EPB41L2: variants seen among roughly 807,000 people sequenced by gnomAD.
EPB41L2 encodes erythrocyte membrane protein band 4.1 like 2.
In EPB41L2, 43 loss-of-function variants were observed where a neutral mutation model predicts 113.0. The ratio of observed to expected loss-of-function variants is 0.38; its 90% CI spans 0.30 to 0.49. The LOEUF is 0.49. EPB41L2 is among the 20% of genes least tolerant of loss of function. The pLI is 0.95. For synonymous variants in EPB41L2, 442 were observed against 436.7 expected (o/e 1.01, Z -0.15); for missense variants, 1,147 against 1,223.4 (o/e 0.94, Z 0.93).
chr6:130,918,190 T>C (rs1801720922), intron 4 of EPB41L2, among the ~76,000 whole-genome samples: 1 of 152,212 alleles, frequency 6.6e-6, no homozygotes, highest in Non-Finnish European at 1.5e-5. Context: ...AGTTTATATA[T>C]GCAAACAGTT....
At chr6:130,980,124 A>AT (rs1324059338) in intron 1 of EPB41L2, among the ~76,000 whole-genome samples, 1 of 152,246 alleles carries the variant, frequency 6.6e-6, no homozygotes, top group Non-Finnish European at 1.5e-5. Context: ...TAAAAGGGTC[A>AT]TAAGATGGCT....
In EPB41L2 at chr6:130,840,325, A is replaced by G. The variant is rs1024129667; in HGVS notation, c.*279T>C. 2.0e-5 allele frequency: 3 copies of G among 152,532 alleles called. No homozygotes were observed. Among genetic ancestry groups the G allele is most frequent in the Admixed American group, 2.0e-4 (3 of 15,276 alleles). 9.4% of individuals were successfully genotyped at this position (152,532 alleles called of 1,614,324 possible). ...GCACACAAAGTAAACAGAAAACAAAACCAAAACCCCTTAATTAACAACAAC... is the reference window on the plus strand; with the variant it reads ...GCACACAAAGTAAACAGAAAACAAAGCCAAAACCCCTTAATTAACAACAAC... On this transcript the variant is annotated 3_prime_UTR_variant, in exon 20 of 20. Transcript: ENST00000337057.
intron 1 of EPB41L2, among the ~76,000 whole-genome samples, chr6:131,053,523 C>T (rs945675348): frequency 6.6e-6 from 1 of 151,876 alleles, no homozygotes. Flanking sequence ...GCAAAGGCAG[C>T]CCCCCTGAGC....
At position 130,974,517 on chromosome 6, in the gene EPB41L2, T is replaced by C. The variant is rs564687737; in HGVS notation, c.-14-18018A>G. ...AAACGTTGGGAGAATTCAGAGAGAA[T>C]GAGTTTTGTGGCACTATGATTTTGA... is the stretch of plus-strand genomic sequence containing the variant. On this transcript the variant is annotated intron_variant, in intron 1 of 19. Coordinates refer to ENST00000337057, the MANE Select transcript of EPB41L2 (RefSeq NM_001431.4). Among the ~76,000 whole-genome samples, 29 of 152,212 alleles carry C rather than the reference T, an allele frequency of 1.9e-4. 1 individual carries two copies. Among genetic ancestry groups the C allele is most frequent in the Admixed American group, 1.8e-3 (27 of 15,278 alleles).
intron 3 of EPB41L2, among the ~76,000 whole-genome samples, chr6:130,954,858 T>C (rs1816860081): frequency 6.6e-6 from 1 of 152,198 alleles, no homozygotes; most frequent in African/African-American, 2.4e-5. Flanking sequence ...TCCAAATATT[T>C]AACACCCAGT....
chr6:130,839,548 C>T lies in EPB41L2; in HGVS notation c.*1056G>A, dbSNP rs1251717126. ...TTTAAATGGTATAACTTTCTTGTAA[C>T]CAACAGAACACCACCACAGCCCCCT... On this transcript the variant is annotated 3_prime_UTR_variant, in exon 20 of 20. Coordinates refer to ENST00000337057, the MANE Select transcript of EPB41L2 (RefSeq NM_001431.4). 4.6e-5 allele frequency: 7 copies of T among 152,104 alleles called. No individual in the cohort carries two copies. Among genetic ancestry groups the T allele is most frequent in the Admixed American group, 4.6e-4 (7 of 15,252 alleles). The allele number at this position is 152,104 out of a possible 1,614,324, so 9.4% of individuals were successfully genotyped here.
At chr6:130,890,488 AAAAG>A in intron 10 of EPB41L2, 22 bp from the exon 11 acceptor site, 4 of 1,576,382 alleles carry the variant, frequency 2.5e-6, no homozygotes, top group South Asian at 1.2e-5. Context: ...AAAAAAAAAA[AAAAG>A]AGAGAGAGAA....
chr6:130,910,847 T>C (rs1042793010), intron 4 of EPB41L2, among the ~76,000 whole-genome samples: 51 of 152,202 alleles, frequency 3.4e-4, no homozygotes, highest in African/African-American at 9.9e-4. Flanking sequence ...CCAGTTAGAA[T>C]GGCGATCGTT....
Position 130,899,563 on chromosome 6 carries a change from T to A in EPB41L2, c.1164A>T (p.Ala388=), listed in dbSNP as rs759132312. The A allele has an allele frequency of 6.2e-7, 1 of 1,613,886 alleles. No homozygotes were observed. Among genetic ancestry groups the A allele is most frequent in the Non-Finnish European group, 8.5e-7 (1 of 1,179,796 alleles). ...TTTCTAAGAACTGGGAATCAGCTTGTGCTGGCGATAAGCCCCTGAGAATCA... is the reference window on the plus strand; with the variant it reads ...TTTCTAAGAACTGGGAATCAGCTTGAGCTGGCGATAAGCCCCTGAGAATCA... ...LHKTHRGLSP[A]QADSQFLENA... Residue 388 remains alanine, a synonymous_variant, in exon 8 of 20, where the codon GCA becomes GCT. Coordinates refer to ENST00000337057, the MANE Select transcript of EPB41L2 (RefSeq NM_001431.4).
In EPB41L2 at chr6:130,867,498, G is replaced by C. The variant is rs138054258; in HGVS notation, c.2691C>G (p.Val897=). The C allele has an allele frequency of 1.2e-6, 2 of 1,614,006 alleles. No homozygotes were observed. The highest frequency in any genetic ancestry group is 1.3e-5 in the African/African-American group (1 of 75,052). Residue 897 remains valine, a synonymous_variant, in exon 16 of 20, where the codon GTC becomes GTG. Coordinates refer to ENST00000337057, the MANE Select transcript of EPB41L2 (RefSeq NM_001431.4). ...TEISTKEVPI[V]QTETKTITYE... is the part of the protein sequence containing the mutation. ...ATGTGATGGTTTTGGTCTCAGTTTG[G>C]ACAATGGGGACTTCCTTGGTGGAGA...
chr6:130,979,492 CAAAA>C (rs34912861), intron 1 of EPB41L2, among the ~76,000 whole-genome samples: 20 of 85,316 alleles, frequency 2.3e-4, no homozygotes, highest in African/African-American at 7.2e-4. Context: ...GAGACTCTGT[CAAAA>C]AAAAAAAAAA....
At chr6:130,892,388 C>A (rs968101342) in intron 10 of EPB41L2, among the ~76,000 whole-genome samples, 1 of 97,964 alleles carries the variant, frequency 1.0e-5, no homozygotes, top group African/African-American at 3.1e-5. Flanking sequence ...CTTGCCATTT[C>A]TGAACAGATT....
At chr6:130,962,162 C>A (rs1773745338) in intron 1 of EPB41L2, among the ~76,000 whole-genome samples, 1 of 151,864 alleles carries the variant, frequency 6.6e-6, no homozygotes. Flanking sequence ...GGAAAAAAAA[C>A]AAATGTAGAA....
intron 1 of EPB41L2, among the ~76,000 whole-genome samples, chr6:131,020,123 T>A (rs536784961): frequency 1.3e-5 from 2 of 152,258 alleles, no homozygotes; most frequent in South Asian, 4.1e-4. Flanking sequence ...TAATCTGAGA[T>A]GGTAAATATT....
intron 14 of EPB41L2, among the ~76,000 whole-genome samples, chr6:130,872,899 A>T (rs981194227): frequency 6.6e-6 from 1 of 152,072 alleles, no homozygotes; most frequent in African/African-American, 2.4e-5. Context: ...CTACACTTGA[A>T]ATGCTTATTC....
chr6:130,885,714 G>A (rs1241024863), intron 11 of EPB41L2, among the ~76,000 whole-genome samples: 1 of 152,046 alleles, frequency 6.6e-6, no homozygotes, highest in Non-Finnish European at 1.5e-5. Context: ...TTTAAGAATT[G>A]CTCCATAAAG....
intron 18 of EPB41L2, among the ~76,000 whole-genome samples, chr6:130,863,103 T>C (rs952992458): frequency 5.9e-5 from 9 of 152,222 alleles, no homozygotes; most frequent in Non-Finnish European, 1.3e-4. Context: ...GGAGGCATGA[T>C]TCTTTTAAAA....
intron 1 of EPB41L2, among the ~76,000 whole-genome samples, chr6:130,983,597 T>C (rs1006734321): frequency 2.0e-5 from 3 of 151,554 alleles, no homozygotes; most frequent in Non-Finnish European, 1.5e-5. Context: ...GGTGTGATCA[T>C]GGCTCACTGC....
intron 18 of EPB41L2, among the ~76,000 whole-genome samples, chr6:130,861,941 T>C (rs936321485): frequency 5.3e-5 from 8 of 152,134 alleles, no homozygotes; most frequent in African/African-American, 1.9e-4. Context: ...TCTCTTCATT[T>C]GGATATCTGA....
Sources: gnomAD v4.1 joint callset for allele counts (sites outside exome capture counted in the v4.1 genomes callset) on GRCh38, gnomAD v4.1.1 for gene constraint, MANE v1.5 for transcripts, NCBI Gene and HGNC (gene_info 2026-07-23, HGNC 2026-07-21) for gene names.